Variants in ZNF138 observed in about 807,000 individuals in gnomAD.
The protein encoded by ZNF138 is zinc finger protein 138, also known as zinc finger protein 138 (clone pHZ-32).
ZNF138 carries 33 observed loss-of-function variants against 33.0 expected under a neutral mutation model. The observed-to-expected ratio is 1.00, with a 90% confidence interval of 0.76 to 1.34. The LOEUF is 1.34. ZNF138 is among the 40% of genes most tolerant of loss of function. The pLI is 0.00. For synonymous variants in ZNF138, 139 were observed against 120.4 expected (o/e 1.15, Z -1.01); for missense variants, 360 against 370.8 (o/e 0.97, Z 0.24).
chr7:64,815,701 C>A, intron 3 of ZNF138, 48 bp downstream of exon 3: 2 of 1,525,702 alleles, frequency 1.3e-6, no homozygotes, highest in Non-Finnish European at 1.8e-6. Flanking sequence ...GGTCAAAGGC[C>A]AAGGAGAAGA....
At chr7:64,853,236 T>G in the ZNF138 span, 1 of 1,607,482 alleles carries the variant, frequency 6.2e-7, no homozygotes. Context: ...TTCCAGCAAT[T>G]TTTGCAGGAC....
intron 3 of ZNF138, among the ~76,000 whole-genome samples, chr7:64,819,408 C>A (rs1430021808): frequency 1.3e-5 from 2 of 149,510 alleles, no homozygotes; most frequent in Non-Finnish European, 3.0e-5. Flanking sequence ...TGCTCTTTTG[C>A]CCGGGTTGGA....
chr7:64,794,508 C>G lies in ZNF138; in HGVS notation c.-61C>G, dbSNP rs1786527739. The G allele has an allele frequency of 6.2e-7, 1 of 1,610,544 alleles. No homozygotes were observed. Among genetic ancestry groups the G allele is most frequent in the Admixed American group, 1.7e-5 (1 of 59,908 alleles). ...TCCTAGAGGCCCAGCCTCTGTGGCG[C>G]TGTGATCTGGTTATTGGGAGATTCA... On this transcript the variant is annotated 5_prime_UTR_variant, in exon 1 of 4. Coordinates refer to ENST00000307355, the MANE Select transcript of ZNF138 (RefSeq NM_001271639.2).
At chr7:64,803,679 A>C (rs1787340970) in intron 1 of ZNF138, among the ~76,000 whole-genome samples, 1 of 152,146 alleles carries the variant, frequency 6.6e-6, no homozygotes, top group Non-Finnish European at 1.5e-5. Flanking sequence ...TCCCTTAGTA[A>C]TTTCAATATT....
At chr7:64,811,036 A>G (rs1173990375) in intron 1 of ZNF138, among the ~76,000 whole-genome samples, 3 of 152,236 alleles carry the variant, frequency 2.0e-5, no homozygotes, top group Non-Finnish European at 4.4e-5. Flanking sequence ...AAAAGTAAAT[A>G]TAAACACAAT....
intron 1 of ZNF138, among the ~76,000 whole-genome samples, chr7:64,808,287 T>C (rs1051923374): frequency 6.6e-6 from 1 of 152,196 alleles, no homozygotes; most frequent in African/African-American, 2.4e-5. Flanking sequence ...AGTTTCCTGG[T>C]ACTTGGATGA....
chr7:64,838,026 C>T (rs10949948), downstream of ZNF138, among the ~76,000 whole-genome samples: 92,776 of 151,896 alleles, frequency 0.61, 28,647 homozygotes, highest in East Asian at 0.7. Context: ...TGAGGAGGGG[C>T]GGCTGGGTCT....
downstream of ZNF138, among the ~76,000 whole-genome samples, chr7:64,837,385 G>A (rs934806533): frequency 2.5e-4 from 38 of 152,114 alleles, no homozygotes; most frequent in African/African-American, 9.2e-4. Flanking sequence ...AGCGGTCCGG[G>A]CTTTGGAAGG....
chr7:64,806,741 A>G (rs1423125561), intron 1 of ZNF138, among the ~76,000 whole-genome samples: 1 of 152,252 alleles, frequency 6.6e-6, no homozygotes, highest in Non-Finnish European at 1.5e-5. Context: ...TTAAACTAAT[A>G]ATGACACACT....
At chr7:64,843,108 A>G in the ZNF138 span, among the ~76,000 whole-genome samples, 7 of 152,206 alleles carry the variant, frequency 4.6e-5, no homozygotes, top group Non-Finnish European at 8.8e-5. Flanking sequence ...GACAAATATA[A>G]TGTTTTCCTC....
chr7:64,837,792 C>T (rs900340785), downstream of ZNF138, among the ~76,000 whole-genome samples: 1 of 152,184 alleles, frequency 6.6e-6, no homozygotes, highest in Non-Finnish European at 1.5e-5. Flanking sequence ...AGGGTTGAAG[C>T]TACTACCTCT....
At chr7:64,840,848 G>T in the ZNF138 span, among the ~76,000 whole-genome samples, 10 of 151,966 alleles carry the variant, frequency 6.6e-5, no homozygotes, top group African/African-American at 2.2e-4. Flanking sequence ...TAAACCTTAG[G>T]TGCAAGAAAA....
intron 1 of ZNF138, among the ~76,000 whole-genome samples, chr7:64,799,879 G>A (rs1403592351): frequency 6.6e-6 from 1 of 151,930 alleles, no homozygotes. Context: ...GACCTCAGGT[G>A]TTAGGCGATC....
the ZNF138 span, among the ~76,000 whole-genome samples, chr7:64,850,610 G>A: frequency 5.3e-5 from 8 of 152,288 alleles, no homozygotes; most frequent in South Asian, 2.1e-4. Context: ...TTGAAACGCC[G>A]TATCAGGTGG....
intron 1 of ZNF138, among the ~76,000 whole-genome samples, chr7:64,801,987 A>G (rs1280611914): frequency 6.6e-6 from 1 of 152,230 alleles, no homozygotes; most frequent in South Asian, 2.1e-4. Flanking sequence ...TGAGCCAAAT[A>G]TGAGTGACCA....
At chr7:64,851,255 A>G in the ZNF138 span, among the ~76,000 whole-genome samples, 1 of 152,090 alleles carries the variant, frequency 6.6e-6, no homozygotes, top group East Asian at 1.9e-4. Flanking sequence ...CCTTCCCACC[A>G]CACCCAGCCT....
intron 3 of ZNF138, among the ~76,000 whole-genome samples, chr7:64,829,041 T>C (rs904144448): frequency 1.2e-4 from 18 of 152,168 alleles, no homozygotes; most frequent in Admixed American, 1.1e-3. Context: ...TTGTATACTC[T>C]TACTCCATGT....
downstream of ZNF138, among the ~76,000 whole-genome samples, chr7:64,834,933 A>G (rs1303566870): frequency 6.6e-6 from 1 of 152,254 alleles, no homozygotes; most frequent in Admixed American, 6.5e-5. Flanking sequence ...CAATAAGGCC[A>G]AGAGGCGAGA....
In ZNF138 at chr7:64,831,748, G is replaced by A. The variant is rs780143417; in HGVS notation, c.506G>A (p.Cys169Tyr). 2.9e-5 allele frequency: 46 copies of A among 1,613,544 alleles called. No homozygotes were observed. The highest frequency in any genetic ancestry group is 3.3e-5 in the Non-Finnish European group (39 of 1,179,870). ...CATACTGAAAATAAACATTTCAGAT[G>A]TAAAGAATGTGACAAATCACTTTGC... Reference protein sequence around the residue: ...IRHTENKHFRCKECDKSLCML... With the variant: ...IRHTENKHFRYKECDKSLCML... The change falls in exon 4 of 4, where the codon TGT (cysteine) becomes TAT (tyrosine). Residue 169 changes from cysteine to tyrosine, a missense_variant. Physicochemically the swap from Cys to Tyr is radical, Grantham distance 194. Transcript: ENST00000307355.
Sources: allele counts gnomAD v4.1 joint callset (sites outside exome capture counted in the v4.1 genomes callset), GRCh38; gene constraint gnomAD v4.1.1; transcripts MANE v1.5; gene names NCBI Gene and HGNC (gene_info 2026-07-23, HGNC 2026-07-21).